Variants in PDE4D observed in about 807,000 individuals in gnomAD.
PDE4D encodes the protein phosphodiesterase 4D, also known as 3',5'-cyclic-AMP phosphodiesterase 4D.
In PDE4D, 24 loss-of-function variants were observed where a neutral mutation model predicts 87.4. The ratio of observed to expected loss-of-function variants is 0.27; its 90% confidence interval spans 0.20 to 0.39. The LOEUF is 0.39. Ranked by LOEUF, PDE4D falls within the 10% of genes least tolerant of loss-of-function variation. PDE4D has a pLI of 1.00. For missense variants in PDE4D, 714 were observed against 1,041.0 expected, an observed-to-expected ratio of 0.69 and a Z score of 4.32; for synonymous variants, 384 against 383.2, an observed-to-expected ratio of 1.00 and a Z score of -0.02.
intron 1 of PDE4D, among the ~76,000 whole-genome samples, chr5:59,647,459 G>GT (rs200418450): frequency 0.071 from 4,752 of 67,168 alleles, 232 homozygotes; most frequent in African/African-American, 0.18. Context: ...ATTTTTCAAA[G>GT]TTTTTTTTTT....
intron 3 of PDE4D, among the ~76,000 whole-genome samples, chr5:59,924,397 C>A (rs906007377): frequency 6.6e-6 from 1 of 151,972 alleles, no homozygotes; most frequent in Non-Finnish European, 1.5e-5. Flanking sequence ...GAACACCAAG[C>A]AGATTTAACC....
intron 1 of PDE4D, among the ~76,000 whole-genome samples, chr5:60,245,450 G>A (rs995705241): frequency 1.3e-5 from 2 of 149,366 alleles, no homozygotes; most frequent in Non-Finnish European, 3.0e-5. Flanking sequence ...CCAAAAGAAA[G>A]GAAATCAGTA....
intron 1 of PDE4D, among the ~76,000 whole-genome samples, chr5:60,351,002 C>A (rs139298942): frequency 1.3e-5 from 2 of 152,136 alleles, no homozygotes; most frequent in Non-Finnish European, 2.9e-5. Context: ...AAAACTACAA[C>A]AAGCAGATAA....
intron 1 of PDE4D, among the ~76,000 whole-genome samples, chr5:59,552,231 T>G (rs1169128338): frequency 3.3e-5 from 5 of 152,104 alleles, no homozygotes; most frequent in Non-Finnish European, 7.4e-5. Flanking sequence ...AAGAGGTATT[T>G]TATTTTTTTC....
intron 1 of PDE4D, among the ~76,000 whole-genome samples, chr5:59,554,458 C>T (rs1336131661): frequency 1.3e-5 from 2 of 152,126 alleles, no homozygotes; most frequent in African/African-American, 2.4e-5. Flanking sequence ...ACTCTAGACT[C>T]CATTTAACTC....
chr5:60,457,110 C>T (rs1478334445), intron 1 of PDE4D, among the ~76,000 whole-genome samples: 2 of 152,184 alleles, frequency 1.3e-5, no homozygotes, highest in Admixed American at 1.3e-4. Flanking sequence ...GCCTGCTCGA[C>T]TGAGAGACCA....
chr5:59,331,365 C>A (rs1776700288), intron 1 of PDE4D, among the ~76,000 whole-genome samples: 2 of 152,146 alleles, frequency 1.3e-5, no homozygotes, highest in Non-Finnish European at 2.9e-5. Context: ...TTCTCCTCAT[C>A]TCCACGTAGT....
At chr5:59,127,475 A>G (rs1483554169) in intron 5 of PDE4D, among the ~76,000 whole-genome samples, 6 of 151,544 alleles carry the variant, frequency 4.0e-5, no homozygotes, top group East Asian at 1.9e-4. Context: ...CCCAGGCAGC[A>G]GTGTGTGTGA....
intron 1 of PDE4D, among the ~76,000 whole-genome samples, chr5:59,834,005 A>G (rs1741637238): frequency 6.6e-6 from 1 of 152,076 alleles, no homozygotes; most frequent in Non-Finnish European, 1.5e-5. Flanking sequence ...AAAAAAATCA[A>G]TAGTTTTTTA....
At chr5:58,981,133 C>G (rs1025572536) in intron 11 of PDE4D, among the ~76,000 whole-genome samples, 2 of 152,196 alleles carry the variant, frequency 1.3e-5, no homozygotes, top group Admixed American at 6.5e-5. Context: ...CAGGAACACT[C>G]TCACAGACGC....
At chr5:59,888,911 A>C (rs1004521612) in intron 1 of PDE4D, among the ~76,000 whole-genome samples, 1 of 152,102 alleles carries the variant, frequency 6.6e-6, no homozygotes, top group East Asian at 1.9e-4. Context: ...TTCTTTATTT[A>C]ATATATGATG....
At chr5:59,861,646 T>C (rs1473437815) in intron 1 of PDE4D, among the ~76,000 whole-genome samples, 1 of 152,234 alleles carries the variant, frequency 6.6e-6, no homozygotes, top group Non-Finnish European at 1.5e-5. Context: ...AATGTTCATT[T>C]TTTTTCCCCC....
At chr5:60,124,825 C>T (rs187085044) in intron 2 of PDE4D, among the ~76,000 whole-genome samples, 1 of 152,238 alleles carries the variant, frequency 6.6e-6, no homozygotes, top group Non-Finnish European at 1.5e-5. Context: ...TCCACTGAAA[C>T]AGCTCTTCTC....
intron 1 of PDE4D, among the ~76,000 whole-genome samples, chr5:59,616,859 G>A (rs298015): frequency 0.99 from 141,128 of 142,182 alleles, 70,054 homozygotes; most frequent in Middle Eastern, 1. Flanking sequence ...ACCTCTATAC[G>A]TATTCCAACT....
At chr5:59,855,974 CAT>C (rs1165964896) in intron 1 of PDE4D, among the ~76,000 whole-genome samples, 29 of 152,072 alleles carry the variant, frequency 1.9e-4, no homozygotes, top group Non-Finnish European at 3.4e-4. Flanking sequence ...AACTATAAGA[CAT>C]ATTACAGCTT....
chr5:59,759,487 T>C (rs1761707006), intron 1 of PDE4D, among the ~76,000 whole-genome samples: 1 of 152,266 alleles, frequency 6.6e-6, no homozygotes, highest in Admixed American at 6.5e-5. Context: ...CAAGGTTTTC[T>C]TCACTTTTTT....
At chr5:59,546,467 G>T (rs1422510402) in intron 1 of PDE4D, among the ~76,000 whole-genome samples, 1 of 151,912 alleles carries the variant, frequency 6.6e-6, no homozygotes, top group East Asian at 1.9e-4. Flanking sequence ...CTAATCTCAC[G>T]AAAAATATGG....
intron 11 of PDE4D, among the ~76,000 whole-genome samples, chr5:58,986,465 GGC>G (rs10588145): frequency 0.65 from 99,262 of 151,618 alleles, 32,573 homozygotes; most frequent in Middle Eastern, 0.73. Flanking sequence ...TCAGGAACTG[GGC>G]TGCACAGCAG....
intron 1 of PDE4D, among the ~76,000 whole-genome samples, chr5:59,600,155 G>T (rs1180749899): frequency 6.6e-6 from 1 of 152,190 alleles, no homozygotes; most frequent in Non-Finnish European, 1.5e-5. Flanking sequence ...TTTCCCAGAT[G>T]GTCCTCTTGG....
Sources: gnomAD v4.1 joint callset for allele counts (sites outside exome capture counted in the v4.1 genomes callset) on GRCh38, gnomAD v4.1.1 for gene constraint, MANE v1.5 for transcripts, NCBI Gene and HGNC (gene_info 2026-07-23, HGNC 2026-07-21) for gene names.